Variants in ATF6 observed in about 807,000 individuals in gnomAD.
ATF6 encodes activating transcription factor 6, also known as cyclic AMP-dependent transcription factor ATF-6 alpha.
Under a neutral mutation model 83.6 loss-of-function variants are expected in ATF6, and 53 were observed. That is an observed-to-expected ratio of 0.63 (90% CI 0.51 to 0.80). ATF6 has a LOEUF of 0.80. Ranked by LOEUF, ATF6 falls within the 30% of genes least tolerant of loss-of-function variation. ATF6 has a pLI of 0.00. For missense variants in ATF6, 744 were observed against 797.9 expected (o/e 0.93, Z 0.81); for synonymous variants, 288 against 285.8 (o/e 1.01, Z -0.08).
At chr1:161,919,330 T>A (rs1688158398) in intron 15 of ATF6, among the ~76,000 whole-genome samples, 1 of 152,182 alleles carries the variant, frequency 6.6e-6, no homozygotes, top group African/African-American at 2.4e-5. Context: ...GACTAAAAGC[T>A]ACTGATTTCT....
chr1:161,780,760 A>G (rs1684618132), intron 2 of ATF6, among the ~76,000 whole-genome samples: 1 of 152,088 alleles, frequency 6.6e-6, no homozygotes, highest in African/African-American at 2.4e-5. Flanking sequence ...CCCAGGATGG[A>G]GTGCAGTGGC....
chr1:161,779,925 A>G (rs1363354415), intron 2 of ATF6, among the ~76,000 whole-genome samples: 12 of 151,902 alleles, frequency 7.9e-5, no homozygotes, highest in Admixed American at 6.6e-4. Context: ...TTTAGTAGAG[A>G]CGGGGTTTCA....
At chr1:161,873,918 C>T (rs1336946038) in intron 14 of ATF6, among the ~76,000 whole-genome samples, 1 of 151,602 alleles carries the variant, frequency 6.6e-6, no homozygotes, top group Non-Finnish European at 1.5e-5. Context: ...ATACCAAATC[C>T]ATCAGTTTGA....
intron 9 of ATF6, among the ~76,000 whole-genome samples, chr1:161,826,655 A>C (rs1685908100): frequency 6.6e-6 from 1 of 152,202 alleles, no homozygotes. Context: ...GAAAAGCATC[A>C]AGGAGAAAAG....
chr1:161,911,406 G>C (rs1024569992), intron 14 of ATF6, among the ~76,000 whole-genome samples: 5 of 152,162 alleles, frequency 3.3e-5, no homozygotes, highest in Admixed American at 3.3e-4. Context: ...GCCTACAGAT[G>C]TATATACATT....
intron 7 of ATF6, among the ~76,000 whole-genome samples, chr1:161,802,901 G>T (rs777526414): frequency 7.9e-5 from 12 of 152,134 alleles, no homozygotes; most frequent in Non-Finnish European, 1.5e-4. Flanking sequence ...TACTGCACTT[G>T]CCAACTAACT....
Position 161,791,555 on chromosome 1 carries a change from A to G in ATF6, c.484+18A>G. The G allele has an allele frequency of 2.5e-6, 4 of 1,577,014 alleles. 1 individual carries two copies. The highest frequency in any genetic ancestry group is 2.3e-5 in the South Asian group (2 of 85,376). On this transcript the variant is annotated intron_variant, in intron 5 of 15. Coordinates refer to ENST00000367942, the MANE Select transcript of ATF6 (RefSeq NM_007348.4). The stretch of plus-strand genomic sequence containing the variant: ...CAAGACTGGTATTACTCTATCTCCT[A>G]ACTTCTGTTATTTCTATTTCAGATT...
intron 7 of ATF6, among the ~76,000 whole-genome samples, chr1:161,809,761 T>C (rs989996758): frequency 6.6e-6 from 1 of 152,208 alleles, no homozygotes; most frequent in African/African-American, 2.4e-5. Context: ...TATCTCATTG[T>C]GGTTTTGATT....
chr1:161,937,960 C>A (rs1164785160), intron 15 of ATF6, among the ~76,000 whole-genome samples: 1 of 152,122 alleles, frequency 6.6e-6, no homozygotes, highest in Admixed American at 6.5e-5. Flanking sequence ...AGAGTCAAAG[C>A]TAAAGCCCTG....
Position 161,824,386 on chromosome 1 carries a change from T to TAA in ATF6, c.1187+3240_1187+3241dup, listed in dbSNP as rs72265058. Among the ~76,000 whole-genome samples, 213 of 140,240 alleles carry TAA rather than the reference T, an allele frequency of 1.5e-3. 1 individual carries two copies. Among genetic ancestry groups the TAA allele is most frequent in the Admixed American group, 5.8e-3 (83 of 14,228 alleles). The allele number at this position is 140,240 out of a possible 152,430, so 92.0% of individuals were successfully genotyped here. ...AACATCAAGTTTTTTTGGTCAAAAT[T>TAA]AAAAAAAAAAAAAAAAGCTCAAATG... is the stretch of plus-strand genomic sequence containing the variant. On this transcript the variant is annotated intron_variant, in intron 9 of 15. Coordinates refer to ENST00000367942, the MANE Select transcript of ATF6 (RefSeq NM_007348.4).
chr1:161,872,659 G>A (rs191732487), intron 14 of ATF6, among the ~76,000 whole-genome samples: 14 of 151,536 alleles, frequency 9.2e-5, no homozygotes, highest in Admixed American at 2.6e-4. Context: ...ATGTTATAGC[G>A]CTCCCTAAGA....
At chr1:161,860,774 G>A (rs981149692) in intron 13 of ATF6, among the ~76,000 whole-genome samples, 5 of 152,060 alleles carry the variant, frequency 3.3e-5, no homozygotes, top group African/African-American at 1.2e-4. Flanking sequence ...AGACCTAGTG[G>A]TAGACTCAGA....
intron 9 of ATF6, among the ~76,000 whole-genome samples, chr1:161,839,336 A>G (rs1024322130): frequency 6.6e-6 from 1 of 152,146 alleles, no homozygotes; most frequent in African/African-American, 2.4e-5. Context: ...GTTGAAGGGT[A>G]GTTGTTGGGA....
At chr1:161,773,571 C>G (rs1333874838) in intron 1 of ATF6, among the ~76,000 whole-genome samples, 10 of 152,108 alleles carry the variant, frequency 6.6e-5, no homozygotes, top group Admixed American at 2.6e-4. Flanking sequence ...TGGCCTGAAA[C>G]TGCTGTTTTT....
chr1:161,794,369 T>G (rs1684959669), intron 6 of ATF6, among the ~76,000 whole-genome samples: 1 of 152,208 alleles, frequency 6.6e-6, no homozygotes, highest in Admixed American at 6.5e-5. Flanking sequence ...ATGTTACCAT[T>G]GAAAAAGAAG....
intron 2 of ATF6, among the ~76,000 whole-genome samples, chr1:161,781,284 TTA>T (rs1453525858): frequency 1.1e-4 from 16 of 152,280 alleles, no homozygotes; most frequent in Admixed American, 9.8e-4. Context: ...TTTTAGAAAA[TTA>T]GTTTTATTTT....
At chr1:161,887,833 C>A (rs534272408) in intron 14 of ATF6, among the ~76,000 whole-genome samples, 92 of 152,278 alleles carry the variant, frequency 6.0e-4, no homozygotes, top group African/African-American at 2.1e-3. Context: ...GGCACCAGTA[C>A]ATCATGAATC....
At chr1:161,852,288 A>G (rs4656335) in intron 11 of ATF6, among the ~76,000 whole-genome samples, 137,367 of 152,198 alleles carry the variant, frequency 0.9, 62,152 homozygotes, top group African/African-American at 0.96. Flanking sequence ...ACTACCTCAG[A>G]TTTTTTGTGA....
chr1:161,895,434 TA>T (rs1344405976), intron 14 of ATF6, among the ~76,000 whole-genome samples: 1 of 152,242 alleles, frequency 6.6e-6, no homozygotes. Context: ...CCTACTTTTA[TA>T]GAGGATAAAC....
Sources: allele counts gnomAD v4.1 joint callset (sites outside exome capture counted in the v4.1 genomes callset), GRCh38; gene constraint gnomAD v4.1.1; transcripts MANE v1.5; gene names NCBI Gene and HGNC (gene_info 2026-07-23, HGNC 2026-07-21).